PRXL2A: variants seen among roughly 807,000 people sequenced by gnomAD.
PRXL2A encodes the protein peroxiredoxin like 2A.
A neutral mutation model predicts 25.6 loss-of-function variants in PRXL2A; 26 were observed. That is an observed-to-expected ratio of 1.02 (90% CI 0.74 to 1.41). PRXL2A has a LOEUF of 1.41. Ranked by LOEUF, PRXL2A falls within the 40% of genes most tolerant of loss-of-function variation. The pLI, the probability that PRXL2A is intolerant of heterozygous loss-of-function variation, is 0.00. For missense variants in PRXL2A, 246 were observed against 273.9 expected (o/e 0.90, Z 0.72); for synonymous variants, 98 against 102.9 (o/e 0.95, Z 0.29).
rs1845413570 is a variant in PRXL2A, at chr10:80,436,784, T to C, written c.*4685T>C. On this transcript the variant is annotated 3_prime_UTR_variant, in exon 6 of 6. Transcript: ENST00000606162. ...AGTCCTCTCACTCCCCATTCCCCTT[T>C]CTGTGTAAAAACTGGTTGGAAAGAA... 1 of 152,172 alleles carries C rather than the reference T, an allele frequency of 6.6e-6. No individual in the cohort carries two copies. The highest frequency in any genetic ancestry group is 1.5e-5 in the Non-Finnish European group (1 of 68,056). The allele number at this position is 152,172 out of a possible 1,614,324, so 9.4% of individuals were successfully genotyped here. A position where few individuals can be genotyped will look rare whatever the true frequency, so the allele number is the denominator to read the frequency against.
intron 2 of PRXL2A, 74 bp from the exon 3 acceptor site, chr10:80,422,343 T>C (rs1844895179): frequency 8.2e-7 from 1 of 1,215,990 alleles, no homozygotes; most frequent in East Asian, 2.3e-5. Flanking sequence ...CTGGACTTAG[T>C]GTGGTTCATG....
chr10:80,433,198 C>T lies in PRXL2A; in HGVS notation c.*1099C>T, dbSNP rs1845324733. On this transcript the variant is annotated 3_prime_UTR_variant, in exon 6 of 6. Transcript: ENST00000606162. ...CACGTTAGTAATTTTGCTGTCTTTC[C>T]TAGAGGAATGACTTTGGTGTTTAAA... is the stretch of plus-strand genomic sequence containing the variant. The T allele has an allele frequency of 6.6e-6, 1 of 152,156 alleles. No individual in the cohort carries two copies. The highest frequency in any genetic ancestry group is 1.5e-5 in the Non-Finnish European group (1 of 68,032). The allele number at this position is 152,156 out of a possible 1,614,324, so 9.4% of individuals were successfully genotyped here. A position where few individuals can be genotyped will look rare whatever the true frequency, so the allele number is the denominator to read the frequency against.
At chr10:80,407,992 A>C (rs1359271076), upstream of PRXL2A, 1 of 152,176 alleles carries the variant, frequency 6.6e-6, no homozygotes, top group Non-Finnish European at 1.5e-5. Context: ...CACCCGCCTC[A>C]GCGTCGCCCG....
chr10:80,417,998 G>A (rs7070672), intron 1 of PRXL2A, among the ~76,000 whole-genome samples: 4,969 of 150,820 alleles, frequency 0.033, 93 homozygotes, highest in African/African-American at 0.045. Context: ...AGGAGCCACC[G>A]CACTCAACCA....
chr10:80,431,692 A>G (rs146127476), intron 5 of PRXL2A, among the ~76,000 whole-genome samples: 260 of 152,164 alleles, frequency 1.7e-3, no homozygotes, highest in Non-Finnish European at 2.7e-3. Context: ...CTACTTGTAG[A>G]CATCCTGGTT....
At position 80,425,849 on chromosome 10, in the gene PRXL2A, C is replaced by T. The variant is rs200341840; in HGVS notation, c.271-17C>T. Reference sequence around the variant, plus strand: ...CCAGCTGGGACAGATGTCCCTGAACCCTTGTGTCTTCTACAGGAAGCTGCG... The same window carrying T: ...CCAGCTGGGACAGATGTCCCTGAACTCTTGTGTCTTCTACAGGAAGCTGCG... On this transcript the variant is annotated splice_polypyrimidine_tract_variant and intron_variant, in intron 3 of 5. Transcript: ENST00000606162. 1.2e-6 allele frequency: 2 copies of T among 1,614,128 alleles called. No homozygotes were observed. The highest frequency in any genetic ancestry group is 2.2e-5 in the East Asian group (1 of 44,886).
rs1053181855 is a variant in PRXL2A at position 80,420,662 on chromosome 10, C to T, written c.178+17C>T. ...TGGAGAAGGGTAAGTGGTGACCCTTCAGGTCTCAGTACTTTTCCAAGGAGC... is the reference window on the plus strand; with the variant it reads ...TGGAGAAGGGTAAGTGGTGACCCTTTAGGTCTCAGTACTTTTCCAAGGAGC... On this transcript the variant is annotated intron_variant, in intron 2 of 5. Transcript: ENST00000606162. 7 of 1,553,486 alleles carry T rather than the reference C, an allele frequency of 4.5e-6. No homozygotes were observed. Among genetic ancestry groups the T allele is most frequent in the Non-Finnish European group, 4.4e-6 (5 of 1,143,576 alleles).
intron 4 of PRXL2A, 48 bp from the exon 5 acceptor site, chr10:80,427,284 G>T (rs919771530): frequency 6.5e-7 from 1 of 1,546,658 alleles, no homozygotes; most frequent in African/African-American, 1.4e-5. Context: ...CTTGAGGAAG[G>T]CAGGCATGTA....
At chr10:80,426,302 A>G (rs1432177119) in intron 4 of PRXL2A, among the ~76,000 whole-genome samples, 2 of 152,246 alleles carry the variant, frequency 1.3e-5, no homozygotes, top group Non-Finnish European at 2.9e-5. Flanking sequence ...TCAAGAACCC[A>G]TACAGCCATT....
At chr10:80,409,085 C>T (rs747806815) in intron 1 of PRXL2A, 594 of 985,152 alleles carry the variant, frequency 6.0e-4, no homozygotes, top group Admixed American at 1.5e-3. Flanking sequence ...ACCTGGCAGT[C>T]CTCGTCCTCG....
chr10:80,432,414 G>GAT lies in PRXL2A; in HGVS notation c.*315_*316insAT. 4.6e-6 allele frequency: 1 copy of GAT among 217,960 alleles called. No homozygotes were observed. The highest frequency in any genetic ancestry group is 8.9e-6 in the Non-Finnish European group (1 of 112,264). 13.5% of individuals were successfully genotyped at this position (217,960 alleles called of 1,614,324 possible). A position where few individuals can be genotyped will look rare whatever the true frequency, so the allele number is the denominator to read the frequency against. ...CCAGCACTTTGGGAGGCCAAGGTGA[G>GAT]CAAGTCACTTGAGGTCGGGAGTTCG... On this transcript the variant is annotated 3_prime_UTR_variant, in exon 6 of 6. Transcript: ENST00000606162.
chr10:80,432,596 A>C lies in PRXL2A; in HGVS notation c.*497A>C, dbSNP rs1845302551. The C allele has an allele frequency of 6.6e-6, 1 of 150,882 alleles. No homozygotes were observed. 9.3% of individuals were successfully genotyped at this position (150,882 alleles called of 1,614,324 possible). On this transcript the variant is annotated 3_prime_UTR_variant, in exon 6 of 6. Coordinates refer to ENST00000606162, the MANE Select transcript of PRXL2A (RefSeq NM_032333.5). ...GTGGAGGTTGCGGTGAGCTGAGATC[A>C]CACCACTGTATTCCAGCCTGGGTGA...
At chr10:80,416,187 A>G (rs992051179) in intron 1 of PRXL2A, among the ~76,000 whole-genome samples, 13 of 152,210 alleles carry the variant, frequency 8.5e-5, no homozygotes, top group Non-Finnish European at 1.9e-4. Flanking sequence ...GTCAAATTAA[A>G]GAATTGGAAG....
chr10:80,419,021 C>T (rs1844763991), intron 1 of PRXL2A, among the ~76,000 whole-genome samples: 1 of 152,022 alleles, frequency 6.6e-6, no homozygotes, highest in South Asian at 2.1e-4. Context: ...GAGTCTTGCT[C>T]TATGACCAGA....
intron 4 of PRXL2A, 42 bp downstream of exon 4, chr10:80,426,048 T>C (rs754360991): frequency 1.9e-6 from 3 of 1,612,286 alleles, no homozygotes; most frequent in Non-Finnish European, 2.5e-6. Context: ...CTGCTGGGGA[T>C]TGTGCTCAGC....
At chr10:80,409,082 A>G (rs143361357) in intron 1 of PRXL2A, 32,379 of 984,922 alleles carry the variant, frequency 0.033, 607 homozygotes, top group Middle Eastern at 0.044. Flanking sequence ...CGGACCTGGC[A>G]GTCCTCGTCC....
Position 80,436,133 on chromosome 10 carries a change from T to A in PRXL2A, c.*4034T>A, listed in dbSNP as rs574015828. ...CAAGCAACTTTTTTTTTTTTTTTTT[T>A]AGATAGAATCTTGCTTGTCACCTAG... On this transcript the variant is annotated 3_prime_UTR_variant, in exon 6 of 6. Transcript: ENST00000606162. 8.8e-4 allele frequency: 132 copies of A among 149,704 alleles called. 1 individual carries two copies. The highest frequency in any genetic ancestry group is 3.0e-3 in the African/African-American group (120 of 40,058). 9.3% of individuals were successfully genotyped at this position (149,704 alleles called of 1,614,324 possible).
chr10:80,426,142 C>G, intron 4 of PRXL2A, 136 bp downstream of exon 4: 2 of 1,011,414 alleles, frequency 2.0e-6, no homozygotes, highest in Non-Finnish European at 1.5e-6. Context: ...CTTGCAAGGC[C>G]TTTTTCAGCC....
intron 1 of PRXL2A, among the ~76,000 whole-genome samples, chr10:80,419,657 G>C (rs186748043): frequency 6.6e-6 from 1 of 152,280 alleles, no homozygotes; most frequent in Admixed American, 6.5e-5. Flanking sequence ...GCAGACATCT[G>C]TGTAGTTCTG....
Sources: gnomAD v4.1 joint callset for allele counts (sites outside exome capture counted in the v4.1 genomes callset) on GRCh38, gnomAD v4.1.1 for gene constraint, MANE v1.5 for transcripts, NCBI Gene and HGNC (gene_info 2026-07-23, HGNC 2026-07-21) for gene names.